LUZP1: variants seen among roughly 807,000 people sequenced by gnomAD.
The protein encoded by LUZP1 is leucine zipper protein 1.
In LUZP1, 25 loss-of-function variants were observed where a neutral mutation model predicts 71.3. That is an observed-to-expected ratio of 0.35 (90% confidence interval 0.26 to 0.49). The LOEUF is 0.49. LUZP1 is among the 20% of genes least tolerant of loss of function. The probability of loss-of-function intolerance (pLI) is 0.99; values close to 1 mark genes in which losing one functional copy is unlikely to be tolerated. For synonymous variants in LUZP1, 481 were observed against 506.4 expected, an observed-to-expected ratio of 0.95 and a Z score of 0.67; for missense variants, 1,142 against 1,300.8, an observed-to-expected ratio of 0.88 and a Z score of 1.88.
At chr1:23,168,077 G>A (rs1157914777) in intron 2 of LUZP1, among the ~76,000 whole-genome samples, 1 of 149,974 alleles carries the variant, frequency 6.7e-6, no homozygotes, top group Non-Finnish European at 1.5e-5. Flanking sequence ...CGGCCCAGCG[G>A]TCTGGCTGCG....
chr1:23,117,482 C>G (rs202150311), intron 2 of LUZP1, among the ~76,000 whole-genome samples: 6 of 34,956 alleles, frequency 1.7e-4, no homozygotes, highest in Non-Finnish European at 2.7e-4. Flanking sequence ...TCTCTCCCCC[C>G]CCCCCCCCCA....
exon 5 of LUZP1, chr1:23,085,255 C>T (rs1643746184): frequency 6.6e-6 from 1 of 152,576 alleles, no homozygotes; most frequent in East Asian, 1.9e-4. Context: ...GCCTATAATG[C>T]AATAACAGTT....
chr1:23,119,602 C>G (rs1268260222), intron 2 of LUZP1, among the ~76,000 whole-genome samples: 1 of 152,116 alleles, frequency 6.6e-6, no homozygotes, highest in African/African-American at 2.4e-5. Context: ...AGGTTTATCT[C>G]TAGTATAGCA....
chr1:23,142,903 T>C (rs1644316184), intron 2 of LUZP1, among the ~76,000 whole-genome samples: 1 of 152,052 alleles, frequency 6.6e-6, no homozygotes, highest in Non-Finnish European at 1.5e-5. Context: ...CGGTGGCTCA[T>C]ACCTATAATC....
chr1:23,101,150 T>C (rs1643928502), intron 3 of LUZP1, among the ~76,000 whole-genome samples: 1 of 152,242 alleles, frequency 6.6e-6, no homozygotes, highest in South Asian at 2.1e-4. Flanking sequence ...AAGTACCTTA[T>C]ATACATGATT....
At chr1:23,130,372 CT>C (rs1644204609) in intron 2 of LUZP1, among the ~76,000 whole-genome samples, 1 of 152,134 alleles carries the variant, frequency 6.6e-6, no homozygotes, top group African/African-American at 2.4e-5. Context: ...AAACACAAAA[CT>C]CCTTGAAGGT....
At chr1:23,089,696 G>A (rs556390447) in intron 4 of LUZP1, among the ~76,000 whole-genome samples, 64 of 151,810 alleles carry the variant, frequency 4.2e-4, no homozygotes, top group African/African-American at 1.4e-3. Flanking sequence ...GGGTTCAAGC[G>A]ATTCTCCTGC....
At chr1:23,143,597 C>G (rs1359239153) in intron 2 of LUZP1, among the ~76,000 whole-genome samples, 1 of 152,146 alleles carries the variant, frequency 6.6e-6, no homozygotes, top group Non-Finnish European at 1.5e-5. Flanking sequence ...GATTGTTATG[C>G]TGGATAAAAC....
intron 2 of LUZP1, among the ~76,000 whole-genome samples, chr1:23,147,770 A>T (rs1429729339): frequency 1.3e-5 from 2 of 152,206 alleles, no homozygotes; most frequent in Non-Finnish European, 2.9e-5. Context: ...AAGTATCTAA[A>T]AAATGTTTGT....
chr1:23,137,910 G>C (rs369566683), intron 2 of LUZP1, among the ~76,000 whole-genome samples: 3 of 152,160 alleles, frequency 2.0e-5, no homozygotes, highest in African/African-American at 7.2e-5. Flanking sequence ...AAGTATTCAT[G>C]ACAGCCAAAA....
At chr1:23,141,734 C>G (rs1644304781) in intron 2 of LUZP1, among the ~76,000 whole-genome samples, 1 of 152,124 alleles carries the variant, frequency 6.6e-6, no homozygotes, top group Non-Finnish European at 1.5e-5. Context: ...GGCTAGAGAG[C>G]AGGGGCAAGA....
At chr1:23,103,139 G>A (rs888295525) in intron 3 of LUZP1, among the ~76,000 whole-genome samples, 28 of 148,334 alleles carry the variant, frequency 1.9e-4, no homozygotes, top group African/African-American at 7.0e-4. Context: ...GGGTCTCTAT[G>A]CTGACCAGGC....
intron 2 of LUZP1, among the ~76,000 whole-genome samples, chr1:23,159,673 C>A (rs1644449173): frequency 6.6e-6 from 1 of 152,218 alleles, no homozygotes; most frequent in African/African-American, 2.4e-5. Flanking sequence ...GTGCCTGTCA[C>A]ATAGCCAATG....
At chr1:23,135,794 T>C (rs1446895135) in intron 2 of LUZP1, among the ~76,000 whole-genome samples, 1 of 152,220 alleles carries the variant, frequency 6.6e-6, no homozygotes, top group Non-Finnish European at 1.5e-5. Flanking sequence ...GTAACAAATA[T>C]ATGTTGGTTT....
chr1:23,084,340 G>A (rs1643724718), exon 5 of LUZP1: 1 of 152,114 alleles, frequency 6.6e-6, no homozygotes, highest in Admixed American at 6.5e-5. Flanking sequence ...GGGAAGGCTC[G>A]TGGCTCCTTC....
Position 23,091,180 on chromosome 1 carries a change from TG to T in LUZP1, c.3072+9del, listed in dbSNP as rs777736335. The T allele has an allele frequency of 1.3e-6, 2 of 1,592,792 alleles. No homozygotes were observed. The highest frequency in any genetic ancestry group is 8.5e-7 in the Non-Finnish European group (1 of 1,169,630). ...GAGAAAAGAGAGAGGGGAGAGAGGCTGGAACTCACCATGCTTGCTGAGTGGT... is the reference window on the plus strand; with the variant it reads ...GAGAAAAGAGAGAGGGGAGAGAGGCTGAACTCACCATGCTTGCTGAGTGGT... On this transcript the variant is annotated intron_variant, in intron 4 of 4. Coordinates refer to ENST00000302291, the Ensembl canonical transcript of LUZP1.
At chr1:23,086,272 T>G (rs530820416) in exon 5 of LUZP1, 10 of 152,794 alleles carry the variant, frequency 6.5e-5, no homozygotes, top group African/African-American at 2.4e-4. Context: ...CAATGTTATT[T>G]TCTGCAATGC....
intron 1 of LUZP1, among the ~76,000 whole-genome samples, chr1:23,171,104 A>G (rs1276067730): frequency 6.9e-6 from 1 of 144,664 alleles, no homozygotes; most frequent in East Asian, 2.0e-4. Flanking sequence ...AAAAAAATAT[A>G]TATATATATA....
rs267598422 is a variant in LUZP1, at chr1:23,093,994, G to A, written c.268C>T (p.Arg90Cys). 63 of 1,614,040 alleles carry A rather than the reference G, an allele frequency of 3.9e-5. No homozygotes were observed. Among genetic ancestry groups the A allele is most frequent in the Non-Finnish European group, 4.8e-5 (57 of 1,180,038 alleles). ...TCTTCAAGTTTCTCCTTCATCAGACGACACAGATCCTCTGCTCTCTTAATT... is the reference window on the plus strand; with the variant it reads ...TCTTCAAGTTTCTCCTTCATCAGACAACACAGATCCTCTGCTCTCTTAATT... The change falls in exon 4 of 5, where the codon CGT becomes TGT. Residue 90 changes from arginine (R) to cysteine (C), a missense_variant. Coordinates refer to ENST00000302291, the Ensembl canonical transcript of LUZP1. This position sits in a 1 kb window ranked among gnomAD's most constrained non-coding sequence, Gnocchi z 4.2.
Sources: gnomAD v4.1 joint callset for allele counts (sites outside exome capture counted in the v4.1 genomes callset) on GRCh38, gnomAD v4.1.1 for gene constraint, Gnocchi (gnomAD v3.1) non-coding constraint, MANE v1.5 for transcripts, NCBI Gene and HGNC (gene_info 2026-07-23, HGNC 2026-07-21) for gene names.